Variants in OTUD7A observed in about 807,000 individuals in gnomAD.
The protein encoded by OTUD7A is OTU domain-containing protein 7A.
Under a neutral mutation model 65.7 loss-of-function variants are expected in OTUD7A, and 12 were observed. The observed-to-expected ratio is 0.18, with a 90% CI of 0.12 to 0.30. The LOEUF is 0.30. OTUD7A is among the 10% of genes least tolerant of loss of function. The probability of loss-of-function intolerance (pLI) is 1.00; values close to 1 mark genes in which losing one functional copy is unlikely to be tolerated. For missense variants in OTUD7A, 1,148 were observed against 1,304.8 expected (o/e 0.88, Z 1.85); for synonymous variants, 641 against 586.3 (o/e 1.09, Z -1.35).
chr15:31,482,181 A>G lies in OTUD7A; in HGVS notation c.*1113T>C, dbSNP rs1487324034. The G allele has an allele frequency of 6.6e-6, 1 of 152,146 alleles. No individual in the cohort carries two copies. The highest frequency in any genetic ancestry group is 1.5e-5 in the Non-Finnish European group (1 of 68,004). 9.4% of individuals were successfully genotyped at this position (152,146 alleles called of 1,614,324 possible). On this transcript the variant is annotated 3_prime_UTR_variant, in exon 13 of 13. Transcript: ENST00000307050. Reference sequence around the variant, plus strand: ...CGCTCAGGGATCGGGCTGCTCCCTCATTGTGTCACGAGACGGAGGCAGGGT... The same window carrying G: ...CGCTCAGGGATCGGGCTGCTCCCTCGTTGTGTCACGAGACGGAGGCAGGGT...
chr15:31,543,053 C>T (rs1888031018), intron 5 of OTUD7A, among the ~76,000 whole-genome samples: 1 of 151,824 alleles, frequency 6.6e-6, no homozygotes, highest in Non-Finnish European at 1.5e-5. Context: ...AAAAGGTAAG[C>T]ATATGGGTAA....
intron 1 of OTUD7A, among the ~76,000 whole-genome samples, chr15:31,852,528 C>A (rs1254639664): frequency 6.6e-6 from 1 of 152,190 alleles, no homozygotes. Flanking sequence ...TTTGTAACTA[C>A]AAATAGCTTA....
chr15:31,493,276 G>A (rs991908098), intron 10 of OTUD7A, among the ~76,000 whole-genome samples: 4 of 152,100 alleles, frequency 2.6e-5, no homozygotes, highest in African/African-American at 9.7e-5. Flanking sequence ...AACATGGACT[G>A]TTACCAAAGA....
intron 1 of OTUD7A, among the ~76,000 whole-genome samples, chr15:31,866,942 T>C (rs917566330): frequency 1.3e-5 from 2 of 152,226 alleles, no homozygotes; most frequent in African/African-American, 4.8e-5. Flanking sequence ...AGTTCTCTAG[T>C]AGGGCATCTG....
At chr15:31,538,070 T>G (rs145309471) in intron 5 of OTUD7A, among the ~76,000 whole-genome samples, 1 of 152,214 alleles carries the variant, frequency 6.6e-6, no homozygotes, top group Non-Finnish European at 1.5e-5. Context: ...TCCACTCCCC[T>G]TGCCATGGAC....
Position 31,484,390 on chromosome 15 carries a change from T to A in OTUD7A, c.1706A>T (p.Glu569Val). 1 of 1,601,150 alleles carries A rather than the reference T, an allele frequency of 6.2e-7. No homozygotes were observed. The highest frequency in any genetic ancestry group is 1.1e-5 in the South Asian group (1 of 91,040). Residue 569 changes from glutamate (E) to valine (V), a missense_variant, in exon 13 of 13, where the codon GAG becomes GTG. Glu to Val is a moderately radical substitution (Grantham distance 121). This residue lies in a region of OTUD7A where 842 missense variants were observed against 769.5 expected (regional missense o/e 1.09). Coordinates refer to ENST00000307050, the MANE Select transcript of OTUD7A (RefSeq NM_001382637.1). This position sits in a 1 kb window ranked among gnomAD's most constrained non-coding sequence, Gnocchi z 4.5. Reference protein sequence around the residue: ...KNGDSAERGKEKKAKSRKGSK... With the variant: ...KNGDSAERGKVKKAKSRKGSK... ...GCCCTTGCGCGACTTGGCCTTCTTC[T>A]CCTTGCCCCGCTCGGCCGAGTCCCC...
At chr15:31,814,231 T>C (rs1264028572) in intron 1 of OTUD7A, among the ~76,000 whole-genome samples, 1 of 152,240 alleles carries the variant, frequency 6.6e-6, no homozygotes, top group Non-Finnish European at 1.5e-5. Flanking sequence ...GCAAGGGTGC[T>C]CTAAAGGATC....
intron 3 of OTUD7A, among the ~76,000 whole-genome samples, chr15:31,621,630 C>G (rs1890786843): frequency 6.6e-6 from 1 of 152,094 alleles, no homozygotes; most frequent in Non-Finnish European, 1.5e-5. Flanking sequence ...AGATCTTCCT[C>G]CATCCCTTTA....
intron 3 of OTUD7A, among the ~76,000 whole-genome samples, chr15:31,593,362 G>A (rs1167442085): frequency 6.6e-6 from 1 of 152,042 alleles, no homozygotes; most frequent in Non-Finnish European, 1.5e-5. Flanking sequence ...GGGTCTCGGG[G>A]TCAGAGCTCT....
chr15:31,714,376 G>A (rs1893529144), intron 1 of OTUD7A, among the ~76,000 whole-genome samples: 1 of 152,050 alleles, frequency 6.6e-6, no homozygotes, highest in South Asian at 2.1e-4. Context: ...TTAAAAATAG[G>A]CAAAACTGCA....
rs558524362 is a variant in OTUD7A at position 31,782,172 on chromosome 15, C to T, written c.-100+88335G>A. On this transcript the variant is annotated intron_variant, in intron 1 of 12. Coordinates refer to ENST00000307050, the MANE Select transcript of OTUD7A (RefSeq NM_001382637.1). ...GGCAGGCACTGCTGGCATGGGCTCA[C>T]ACTGCAGGGGAACCTGGCAGGGTAG... Among the ~76,000 whole-genome samples, 6 of 152,330 alleles carry T rather than the reference C, an allele frequency of 3.9e-5. No individual in the cohort carries two copies. The East Asian group carries it at 7.7e-4, about 20-fold the overall frequency.
At chr15:31,628,055 T>C (rs1194711985) in intron 3 of OTUD7A, among the ~76,000 whole-genome samples, 1 of 152,208 alleles carries the variant, frequency 6.6e-6, no homozygotes, top group Non-Finnish European at 1.5e-5. Flanking sequence ...CTGTTCACTC[T>C]GATGGTAGTT....
intron 1 of OTUD7A, among the ~76,000 whole-genome samples, chr15:31,827,396 T>G (rs1332301220): frequency 6.6e-6 from 1 of 152,144 alleles, no homozygotes; most frequent in Non-Finnish European, 1.5e-5. Flanking sequence ...ATGTGAACAG[T>G]ATGAGGGAAA....
At chr15:31,831,056 T>C (rs1379264403) in intron 1 of OTUD7A, among the ~76,000 whole-genome samples, 1 of 152,220 alleles carries the variant, frequency 6.6e-6, no homozygotes, top group Non-Finnish European at 1.5e-5. Flanking sequence ...TAATTCGTCA[T>C]GGATAGGATG....
At position 31,749,827 on chromosome 15, in the gene OTUD7A, T is replaced by C. The variant is rs1027156781; in HGVS notation, c.-99-92750A>G. On this transcript the variant is annotated intron_variant, in intron 1 of 12. Transcript: ENST00000307050. ...ACCTTGTAAAACCCTAAAGATGCCA[T>C]GAAAAGGGCACTAGATCTGATAAAC... 4.6e-5 allele frequency among the ~76,000 whole-genome samples: 7 copies of C among 151,912 alleles called. No individual in the cohort carries two copies. The East Asian group carries it at 9.7e-4, about 21-fold the overall frequency.
At chr15:31,791,315 G>A (rs890729329) in intron 1 of OTUD7A, among the ~76,000 whole-genome samples, 3 of 152,182 alleles carry the variant, frequency 2.0e-5, no homozygotes, top group Non-Finnish European at 2.9e-5. Context: ...ATAAGCTAAC[G>A]CGCCCAGCCC....
At chr15:31,867,778 G>C (rs1201742287) in intron 1 of OTUD7A, among the ~76,000 whole-genome samples, 1 of 152,168 alleles carries the variant, frequency 6.6e-6, no homozygotes, top group African/African-American at 2.4e-5. Context: ...CAAAGACATG[G>C]AGCCACTGAA....
intron 4 of OTUD7A, among the ~76,000 whole-genome samples, chr15:31,566,698 C>T (rs1275366756): frequency 6.6e-6 from 1 of 152,132 alleles, no homozygotes; most frequent in African/African-American, 2.4e-5. Flanking sequence ...TGGACTATCC[C>T]CTTGGTGATA....
At chr15:31,784,417 C>A (rs933518982) in intron 1 of OTUD7A, among the ~76,000 whole-genome samples, 2 of 150,712 alleles carry the variant, frequency 1.3e-5, no homozygotes, top group Non-Finnish European at 3.0e-5. Flanking sequence ...TTCTATTAAG[C>A]CAGTCGAAAT....
Sources: allele counts gnomAD v4.1 joint callset (sites outside exome capture counted in the v4.1 genomes callset), GRCh38; gene constraint gnomAD v4.1.1; regional missense constraint gnomAD v4.1.1; non-coding constraint Gnocchi (gnomAD v3.1); transcripts MANE v1.5; gene names NCBI Gene and HGNC (gene_info 2026-07-23, HGNC 2026-07-21).